Variants in NCAM2 observed in about 807,000 individuals in gnomAD.
NCAM2 encodes the protein N-CAM-2.
NCAM2 carries 30 observed loss-of-function variants against 98.1 expected under a neutral mutation model. The observed-to-expected ratio is 0.31, with a 90% confidence interval of 0.23 to 0.41. The LOEUF (loss-of-function observed/expected upper bound fraction) is 0.41. Among genes scored for constraint, NCAM2 ranks in the 10% least tolerant of loss-of-function variants. NCAM2 has a pLI of 1.00. For synonymous variants in NCAM2, 368 were observed against 342.4 expected, an observed-to-expected ratio of 1.07 and a Z score of -0.83; for missense variants, 867 against 1,005.8, an observed-to-expected ratio of 0.86 and a Z score of 1.87.
intron 1 of NCAM2, among the ~76,000 whole-genome samples, chr21:21,175,858 G>A (rs2068268964): frequency 6.6e-6 from 1 of 152,146 alleles, no homozygotes; most frequent in African/African-American, 2.4e-5. Context: ...TTCCTAAAAT[G>A]AATAACCTAA....
In NCAM2 at chr21:21,081,591, C is replaced by T. The variant is rs550263567; in HGVS notation, c.55+82973C>T. On this transcript the variant is annotated intron_variant, in intron 1 of 17. Coordinates refer to ENST00000400546, the MANE Select transcript of NCAM2 (RefSeq NM_004540.5). ...TGAGACAAACAGATCACATTAGGTC[C>T]GGAATTCGAGACCAGCCTGGCCAAC... Among the ~76,000 whole-genome samples, 8 of 151,734 alleles carry T rather than the reference C, an allele frequency of 5.3e-5. No individual in the cohort carries two copies. The East Asian group carries it at 1.4e-3, about 26-fold the overall frequency.
chr21:21,291,360 C>T (rs1462932242), intron 4 of NCAM2, among the ~76,000 whole-genome samples: 2 of 151,906 alleles, frequency 1.3e-5, no homozygotes, highest in East Asian at 1.9e-4. Context: ...TCAGGGCAGA[C>T]ACAAAAAATA....
intron 1 of NCAM2, among the ~76,000 whole-genome samples, chr21:21,105,236 A>G (rs1035700030): frequency 6.6e-6 from 1 of 152,192 alleles, no homozygotes; most frequent in Non-Finnish European, 1.5e-5. Flanking sequence ...TTCATAGACA[A>G]TAGTAGGATT....
At chr21:21,201,834 A>C (rs1340717580) in intron 1 of NCAM2, among the ~76,000 whole-genome samples, 1 of 152,176 alleles carries the variant, frequency 6.6e-6, no homozygotes, top group Non-Finnish European at 1.5e-5. Context: ...TTACAGCTTC[A>C]GCATCATCTG....
At chr21:21,219,790 C>A (rs542958505) in intron 1 of NCAM2, among the ~76,000 whole-genome samples, 19 of 152,276 alleles carry the variant, frequency 1.2e-4, no homozygotes, top group Admixed American at 1.0e-3. Flanking sequence ...GAGATGAAAG[C>A]TCTATGCTTG....
At chr21:21,312,645 C>T (rs1369576170) in intron 5 of NCAM2, among the ~76,000 whole-genome samples, 2 of 414 alleles carry the variant, frequency 4.8e-3, no homozygotes, top group South Asian at 0.12. Flanking sequence ...AATAAAAGCA[C>T]CTATTTTCCA....
chr21:21,442,674 G>C (rs780368063), intron 12 of NCAM2, among the ~76,000 whole-genome samples: 2 of 151,884 alleles, frequency 1.3e-5, no homozygotes, highest in Non-Finnish European at 2.9e-5. Context: ...GCAGAGAGGG[G>C]AAAGAAAAGG....
intron 8 of NCAM2, among the ~76,000 whole-genome samples, chr21:21,370,523 TA>T (rs1238065088): frequency 6.6e-6 from 1 of 151,874 alleles, no homozygotes; most frequent in Non-Finnish European, 1.5e-5. Flanking sequence ...ACACATTTAG[TA>T]GGTAAAAATG....
intron 15 of NCAM2, among the ~76,000 whole-genome samples, chr21:21,480,896 A>G (rs2146276700): frequency 6.6e-6 from 1 of 152,358 alleles, no homozygotes; most frequent in South Asian, 2.1e-4. Flanking sequence ...CTCAAGGTGA[A>G]GAATTTTGTA....
chr21:21,430,403 T>TATATATATATATA (rs71195328), intron 11 of NCAM2, among the ~76,000 whole-genome samples: 28 of 146,620 alleles, frequency 1.9e-4, no homozygotes, highest in East Asian at 4.5e-4. Flanking sequence ...TTTATATATA[T>TATATATATATATA]TAGCCCATTC....
intron 1 of NCAM2, among the ~76,000 whole-genome samples, chr21:21,106,229 G>T (rs2066342493): frequency 6.7e-6 from 1 of 149,680 alleles, no homozygotes; most frequent in Admixed American, 6.7e-5. Flanking sequence ...GATCACCTGA[G>T]CCCAGGTGTT....
At chr21:21,011,705 T>G (rs2064214751) in intron 1 of NCAM2, among the ~76,000 whole-genome samples, 1 of 152,120 alleles carries the variant, frequency 6.6e-6, no homozygotes, top group African/African-American at 2.4e-5. Flanking sequence ...AACTATGGAA[T>G]GGGAGAATAT....
intron 1 of NCAM2, among the ~76,000 whole-genome samples, chr21:21,130,271 A>G (rs545603820): frequency 6.6e-6 from 1 of 152,326 alleles, no homozygotes; most frequent in Non-Finnish European, 1.5e-5. Flanking sequence ...AAGGCTTTGT[A>G]CAACTGGAAA....
chr21:21,014,249 C>A (rs888903899), intron 1 of NCAM2, among the ~76,000 whole-genome samples: 2 of 151,992 alleles, frequency 1.3e-5, no homozygotes, highest in African/African-American at 4.8e-5. Flanking sequence ...CATGATGAAA[C>A]CCCATCTCTA....
At chr21:21,002,274 C>T (rs73228138) in intron 1 of NCAM2, among the ~76,000 whole-genome samples, 7,609 of 152,022 alleles carry the variant, frequency 0.05, 219 homozygotes, top group Non-Finnish European at 0.058. Context: ...TGGTGGGTCC[C>T]GAGAGTGTCA....
intron 1 of NCAM2, among the ~76,000 whole-genome samples, chr21:21,265,762 GGA>G (rs1028455574): frequency 2.6e-5 from 4 of 151,788 alleles, no homozygotes; most frequent in Non-Finnish European, 4.4e-5. Context: ...TGGGGAAAAA[GGA>G]GAGGGGGAAA....
chr21:21,133,588 A>T (rs1234636137), intron 1 of NCAM2, among the ~76,000 whole-genome samples: 1 of 152,306 alleles, frequency 6.6e-6, no homozygotes, highest in African/African-American at 2.4e-5. Context: ...TAGTCATCAC[A>T]TATTCAATCC....
chr21:21,507,765 G>T (rs1347668500), intron 15 of NCAM2, among the ~76,000 whole-genome samples: 1 of 143,460 alleles, frequency 7.0e-6, no homozygotes. Flanking sequence ...ACTCCAGCCT[G>T]GTGACAGAGC....
intron 8 of NCAM2, among the ~76,000 whole-genome samples, chr21:21,360,470 T>G (rs2147989897): frequency 6.6e-6 from 1 of 152,118 alleles, no homozygotes; most frequent in African/African-American, 2.4e-5. Flanking sequence ...TCTCAGAAGT[T>G]ACATGATTTT....
Sources: gnomAD v4.1 joint callset for allele counts (sites outside exome capture counted in the v4.1 genomes callset) on GRCh38, gnomAD v4.1.1 for gene constraint, MANE v1.5 for transcripts, NCBI Gene and HGNC (gene_info 2026-07-23, HGNC 2026-07-21) for gene names.